CD226: variants seen among roughly 807,000 people sequenced by gnomAD.
The protein encoded by CD226 is CD226 antigen.
In CD226, 24 loss-of-function variants were observed where a neutral mutation model predicts 34.9. The ratio of observed to expected loss-of-function variants is 0.69; its 90% CI spans 0.50 to 0.97. The LOEUF (loss-of-function observed/expected upper bound fraction) is 0.97. Among genes scored for constraint, CD226 ranks in the 50% least tolerant of loss-of-function variants. CD226 has a pLI of 0.00. For synonymous variants in CD226, 148 were observed against 147.4 expected (o/e 1.00, Z -0.03); for missense variants, 397 against 412.7 (o/e 0.96, Z 0.33).
rs550615480 is a variant in CD226 at position 69,864,626 on chromosome 18, C to A, written c.886-187G>T. ...AATCATATTCTTGACTGAGATGCAA[C>A]AGAAATCTAGTCTAGATTAATACTT... On this transcript the variant is annotated intron_variant, in intron 5 of 5. Transcript: ENST00000582621. 9.9e-5 allele frequency among the ~76,000 whole-genome samples: 15 copies of A among 152,176 alleles called. No individual in the cohort carries two copies. Among genetic ancestry groups the A allele is most frequent in the Non-Finnish European group, 2.1e-4 (14 of 68,032 alleles).
rs1982659058 is a variant in CD226 at position 69,857,964 on chromosome 18, A to G, written c.*6350T>C. On this transcript the variant is annotated 3_prime_UTR_variant, in exon 6 of 6. Transcript: ENST00000582621. Reference sequence around the variant, plus strand: ...AAAAAATGGTAGTTCTTGTAAAGGTATACCTGTGTCTAGACATAAGTTGCA... The same window carrying G: ...AAAAAATGGTAGTTCTTGTAAAGGTGTACCTGTGTCTAGACATAAGTTGCA... The G allele has an allele frequency of 6.6e-6, 1 of 152,220 alleles. No individual in the cohort carries two copies. Among genetic ancestry groups the G allele is most frequent in the Non-Finnish European group, 1.5e-5 (1 of 68,036 alleles). 9.4% of individuals were successfully genotyped at this position (152,220 alleles called of 1,614,324 possible).
At chr18:69,960,187 C>G (rs1214338260), upstream of CD226, among the ~76,000 whole-genome samples, 1 of 150,598 alleles carries the variant, frequency 6.6e-6, no homozygotes, top group African/African-American at 2.4e-5. Flanking sequence ...TTGTAGTGAG[C>G]CAAGATTGTG....
intron 4 of CD226, among the ~76,000 whole-genome samples, chr18:69,872,057 G>GGGGTGT (rs1555677203): frequency 8.4e-5 from 12 of 143,534 alleles, no homozygotes; most frequent in South Asian, 2.3e-4. Flanking sequence ...ATTAACAAGG[G>GGGGTGT]GTGTGTGTGT....
upstream of CD226, among the ~76,000 whole-genome samples, chr18:69,948,974 T>C (rs542516843): frequency 2.6e-5 from 4 of 152,308 alleles, no homozygotes; most frequent in African/African-American, 7.2e-5. Flanking sequence ...ATCATTCTAA[T>C]AGATTGTGGA....
intron 3 of CD226, among the ~76,000 whole-genome samples, chr18:69,875,547 AC>A (rs1190845890): frequency 2.0e-5 from 3 of 152,134 alleles, no homozygotes; most frequent in African/African-American, 7.2e-5. Context: ...CCTCACCAAC[AC>A]TTGCTATCTC....
chr18:69,906,506 C>T (rs1413595940), intron 2 of CD226, among the ~76,000 whole-genome samples: 2 of 152,128 alleles, frequency 1.3e-5, no homozygotes, highest in East Asian at 1.9e-4. Flanking sequence ...TCTTGCTCAG[C>T]GCTGCAAAAA....
intron 2 of CD226, among the ~76,000 whole-genome samples, chr18:69,902,593 G>A (rs1462853889): frequency 6.6e-6 from 1 of 151,004 alleles, no homozygotes; most frequent in Non-Finnish European, 1.5e-5. Context: ...GTGCCCCCAG[G>A]AGTCCACTGC....
chr18:69,944,863 C>T (rs2055770063), intron 2 of CD226, among the ~76,000 whole-genome samples: 2 of 152,230 alleles, frequency 1.3e-5, no homozygotes, highest in Admixed American at 1.3e-4. Context: ...ACTAAAGAAA[C>T]ATTGTAAATT....
chr18:69,889,330 G>T (rs891413207), intron 3 of CD226, among the ~76,000 whole-genome samples: 25 of 152,120 alleles, frequency 1.6e-4, no homozygotes, highest in African/African-American at 5.6e-4. Flanking sequence ...TGTAGGTAAA[G>T]ATAATAAAAG....
At chr18:69,951,225 A>C (rs867393592), upstream of CD226, among the ~76,000 whole-genome samples, 2 of 151,934 alleles carry the variant, frequency 1.3e-5, no homozygotes, top group Non-Finnish European at 2.9e-5. Context: ...GCACTTGTAC[A>C]TGTTGGCCTC....
chr18:69,873,158 G>A lies in CD226; in HGVS notation c.816C>T (p.Val272=), dbSNP rs750510644. The A allele has an allele frequency of 9.4e-6, 15 of 1,588,994 alleles. No individual in the cohort carries two copies. Among genetic ancestry groups the A allele is most frequent in the Middle Eastern group, 1.7e-4 (1 of 5,994 alleles). Residue 272 remains valine, a synonymous_variant, in exon 4 of 6, where the codon GTC becomes GTT. Transcript: ENST00000582621. The part of the protein sequence containing the change: ...LFVISITTII[V]IFLNRRRRRE... ...GCACTACTCACCTGTTAAGGAAAATGACAATGATGGTGGTAATTGAGATAA... is the reference window on the plus strand; with the variant it reads ...GCACTACTCACCTGTTAAGGAAAATAACAATGATGGTGGTAATTGAGATAA...
intron 4 of CD226, among the ~76,000 whole-genome samples, chr18:69,871,944 A>T (rs1371446073): frequency 6.6e-6 from 1 of 152,136 alleles, no homozygotes; most frequent in Non-Finnish European, 1.5e-5. Context: ...TACAGCTGAG[A>T]GCAGGCTGGA....
upstream of CD226, chr18:69,961,616 C>G (rs551029581): frequency 2.6e-5 from 4 of 152,312 alleles, no homozygotes; most frequent in South Asian, 8.3e-4. Flanking sequence ...GCCAAGGGCC[C>G]AGCAAACTTC....
chr18:69,893,267 T>C (rs1985012415), intron 3 of CD226, among the ~76,000 whole-genome samples: 2 of 152,262 alleles, frequency 1.3e-5, no homozygotes, highest in African/African-American at 4.8e-5. Flanking sequence ...CTAACACTAC[T>C]GACCATTACA....
At chr18:69,875,150 A>G (rs1983787253) in intron 3 of CD226, among the ~76,000 whole-genome samples, 1 of 151,850 alleles carries the variant, frequency 6.6e-6, no homozygotes, top group South Asian at 2.1e-4. Flanking sequence ...ATTTTATTTT[A>G]TTTTTGGGAC....
rs1347654529 is a variant in CD226 at position 69,856,475 on chromosome 18, T to C, written c.*7839A>G. 6.6e-6 allele frequency: 1 copy of C among 152,190 alleles called. No individual in the cohort carries two copies. Among genetic ancestry groups the C allele is most frequent in the Non-Finnish European group, 1.5e-5 (1 of 68,024 alleles). The allele number at this position is 152,190 out of a possible 1,614,324, so 9.4% of individuals were successfully genotyped here. On this transcript the variant is annotated 3_prime_UTR_variant, in exon 6 of 6. Transcript: ENST00000582621. ...ATCAGTTTAATCTAATGGACATTTG[T>C]AGAATATTACACTCAACAGCAGAAT...
chr18:69,880,524 G>T (rs930641736), intron 3 of CD226, among the ~76,000 whole-genome samples: 1 of 152,062 alleles, frequency 6.6e-6, no homozygotes, highest in Non-Finnish European at 1.5e-5. Context: ...AAAAATTAAT[G>T]TCTTAGAAGT....
At chr18:69,933,671 T>A (rs548182171) in intron 2 of CD226, among the ~76,000 whole-genome samples, 37 of 152,374 alleles carry the variant, frequency 2.4e-4, no homozygotes, top group African/African-American at 8.9e-4. Context: ...AGGGATTTTT[T>A]AATTACTGTT....
At chr18:69,898,462 T>C (rs934579050) in intron 2 of CD226, among the ~76,000 whole-genome samples, 2 of 152,154 alleles carry the variant, frequency 1.3e-5, no homozygotes, top group Non-Finnish European at 2.9e-5. Flanking sequence ...CGTGTCTGCA[T>C]TTTCACAAAG....
Sources: allele counts gnomAD v4.1 joint callset (sites outside exome capture counted in the v4.1 genomes callset), GRCh38; gene constraint gnomAD v4.1.1; transcripts MANE v1.5; gene names NCBI Gene and HGNC (gene_info 2026-07-23, HGNC 2026-07-21).